Variants in ARHGEF38 observed in about 807,000 individuals in gnomAD.
ARHGEF38 encodes the protein Rho guanine nucleotide exchange factor 38, also known as Rho guanine nucleotide exchange factor (GEF) 38.
A neutral mutation model predicts 79.9 loss-of-function variants in ARHGEF38; 79 were observed. The observed-to-expected ratio is 0.99, with a 90% confidence interval of 0.82 to 1.19. The LOEUF is 1.19. Ranked by LOEUF, ARHGEF38 falls within the 50% of genes most tolerant of loss-of-function variation. ARHGEF38 has a pLI of 0.00. For synonymous variants in ARHGEF38, 366 were observed against 328.3 expected (o/e 1.11, Z -1.24); for missense variants, 962 against 907.2 (o/e 1.06, Z -0.78).
Position 105,645,185 on chromosome 4 carries a change from T to C in ARHGEF38, c.675-3T>C, listed in dbSNP as rs1560743353. ...AAACTGATATTATTTATCTGTATTG[T>C]AGAGGCAAACCAAACTTATTGGACA... On this transcript the variant is annotated splice_polypyrimidine_tract_variant and splice_region_variant and intron_variant, in intron 5 of 13. Transcript: ENST00000420470. The C allele has an allele frequency of 2.0e-6, 3 of 1,500,148 alleles. No individual in the cohort carries two copies. The highest frequency in any genetic ancestry group is 2.2e-5 in the Admixed American group (1 of 44,840). 92.9% of individuals were successfully genotyped at this position (1,500,148 alleles called of 1,614,324 possible). A position where few individuals can be genotyped will look rare whatever the true frequency, so the allele number is the denominator to read the frequency against.
chr4:105,638,721 C>T (rs746065965), intron 5 of ARHGEF38, among the ~76,000 whole-genome samples: 10 of 129,800 alleles, frequency 7.7e-5, no homozygotes, highest in Non-Finnish European at 1.2e-4. Flanking sequence ...TCTTGTATGT[C>T]GACTTGCTAC....
At chr4:105,554,428 C>G (rs1243150453) in intron 1 of ARHGEF38, among the ~76,000 whole-genome samples, 1 of 152,148 alleles carries the variant, frequency 6.6e-6, no homozygotes, top group Non-Finnish European at 1.5e-5. Context: ...TAATGTTTAG[C>G]TCTCACTCAT....
At chr4:105,631,198 A>G (rs753665160) in intron 4 of ARHGEF38, 153 bp downstream of exon 4, 17 of 1,284,866 alleles carry the variant, frequency 1.3e-5, no homozygotes, top group Non-Finnish European at 1.6e-5. Context: ...AAAAGCTGAC[A>G]TGCCAGAAGC....
At chr4:105,672,379 C>A (rs150852315) in intron 13 of ARHGEF38, among the ~76,000 whole-genome samples, 195 of 152,314 alleles carry the variant, frequency 1.3e-3, no homozygotes, top group African/African-American at 4.5e-3. Flanking sequence ...AAATTATATT[C>A]TGGAGCCTTT....
chr4:105,665,553 C>T (rs1730719382), intron 10 of ARHGEF38, among the ~76,000 whole-genome samples: 1 of 152,074 alleles, frequency 6.6e-6, no homozygotes, highest in Non-Finnish European at 1.5e-5. Flanking sequence ...CTTCTGGCCT[C>T]AGCTTCCTGA....
intron 2 of ARHGEF38, among the ~76,000 whole-genome samples, chr4:105,597,079 A>G (rs1727615551): frequency 6.6e-6 from 1 of 152,158 alleles, no homozygotes; most frequent in African/African-American, 2.4e-5. Context: ...GAATTCAGAC[A>G]ATGAAATGTA....
Position 105,651,061 on chromosome 4 carries a change from C to T in ARHGEF38, c.1008+2379C>T, listed in dbSNP as rs112057798. On this transcript the variant is annotated intron_variant, in intron 7 of 13. Transcript: ENST00000420470. Reference sequence around the variant, plus strand: ...ATTTTGCTTCTGACTCAAGACAATTCTATTGAGGAATAGTAGGCAGCCTCT... The same window carrying T: ...ATTTTGCTTCTGACTCAAGACAATTTTATTGAGGAATAGTAGGCAGCCTCT... Among the ~76,000 whole-genome samples the T allele has an allele frequency of 3.3e-5, 5 of 152,328 alleles. 1 individual carries two copies. The highest frequency in any genetic ancestry group is 1.2e-4 in the African/African-American group (5 of 41,574).
At chr4:105,661,789 G>A (rs1295029253) in intron 10 of ARHGEF38, among the ~76,000 whole-genome samples, 1 of 151,782 alleles carries the variant, frequency 6.6e-6, no homozygotes, top group African/African-American at 2.4e-5. Flanking sequence ...TTTCTAACCT[G>A]TATTACCATA....
At chr4:105,571,008 G>A (rs796421289) in intron 1 of ARHGEF38, among the ~76,000 whole-genome samples, 2 of 152,160 alleles carry the variant, frequency 1.3e-5, no homozygotes, top group South Asian at 4.1e-4. Context: ...ATGGTTGCCA[G>A]GGGCTGGAGG....
intron 5 of ARHGEF38, among the ~76,000 whole-genome samples, chr4:105,639,234 A>T (rs1729521841): frequency 6.6e-6 from 1 of 151,900 alleles, no homozygotes; most frequent in Non-Finnish European, 1.5e-5. Flanking sequence ...TGAGATGTTC[A>T]TTTTTTCTAA....
chr4:105,657,500 T>A (rs969485159), intron 9 of ARHGEF38, among the ~76,000 whole-genome samples: 1 of 152,160 alleles, frequency 6.6e-6, no homozygotes, highest in Non-Finnish European at 1.5e-5. Context: ...ATATCTACAC[T>A]TTTTTAGGAC....
chr4:105,582,164 C>CAAAAAAAA (rs33936132), intron 1 of ARHGEF38, among the ~76,000 whole-genome samples: 1 of 118,280 alleles, frequency 8.5e-6, no homozygotes, highest in Non-Finnish European at 1.7e-5. Context: ...GACTCCGTCT[C>CAAAAAAAA]AAAAAAAAAA....
chr4:105,679,652 C>T lies in ARHGEF38; in HGVS notation c.*1715C>T. 1 of 799,688 alleles carries T rather than the reference C, an allele frequency of 1.3e-6. No homozygotes were observed. The highest frequency in any genetic ancestry group is 2.3e-6 in the Non-Finnish European group (1 of 441,894). 49.5% of individuals were successfully genotyped at this position (799,688 alleles called of 1,614,324 possible). On this transcript the variant is annotated 3_prime_UTR_variant, in exon 14 of 14. Transcript: ENST00000420470. The stretch of plus-strand genomic sequence containing the variant: ...ATGGAAGCCAGAGACCTTATGGCAT[C>T]CATGCTTTTAAATTTAACTAAATCC...
rs768321246 is a variant in ARHGEF38 at position 105,667,112 on chromosome 4, C to T, written c.1690-17C>T. Reference sequence around the variant, plus strand: ...TATGTATCTGTCTAAACCAAAACTTCTCCTTATTTCTCCCAGCCAGAAATG... The same window carrying T: ...TATGTATCTGTCTAAACCAAAACTTTTCCTTATTTCTCCCAGCCAGAAATG... On this transcript the variant is annotated splice_polypyrimidine_tract_variant and intron_variant, in intron 11 of 13. Coordinates refer to ENST00000420470, the MANE Select transcript of ARHGEF38 (RefSeq NM_001242729.2). 1 of 1,524,842 alleles carries T rather than the reference C, an allele frequency of 6.6e-7. No homozygotes were observed. The highest frequency in any genetic ancestry group is 8.8e-7 in the Non-Finnish European group (1 of 1,139,646). The allele number at this position is 1,524,842 out of a possible 1,614,324, so 94.5% of individuals were successfully genotyped here.
chr4:105,584,552 G>A (rs1038974929), intron 1 of ARHGEF38, among the ~76,000 whole-genome samples: 3 of 152,202 alleles, frequency 2.0e-5, no homozygotes, highest in South Asian at 4.1e-4. Flanking sequence ...ATAAATGGTA[G>A]TGGTGGAGTT....
chr4:105,636,097 T>A (rs1261364858), intron 4 of ARHGEF38, among the ~76,000 whole-genome samples: 1 of 152,156 alleles, frequency 6.6e-6, no homozygotes, highest in South Asian at 2.1e-4. Flanking sequence ...GATCTTAAAA[T>A]TTTTTTATAT....
At position 105,567,281 on chromosome 4, in the gene ARHGEF38, T is replaced by C. The variant is rs1001377990; in HGVS notation, c.196+14320T>C. The stretch of plus-strand genomic sequence containing the variant: ...CCAATATTTTAAAATGCAAAGTGAT[T>C]TGTTTGCAGAATCTTTCTGGAATAA... On this transcript the variant is annotated intron_variant, in intron 1 of 13. Coordinates refer to ENST00000420470, the MANE Select transcript of ARHGEF38 (RefSeq NM_001242729.2). Among the ~76,000 whole-genome samples, 4 of 152,332 alleles carry C rather than the reference T, an allele frequency of 2.6e-5. No homozygotes were observed. The East Asian group carries it at 7.7e-4, about 29-fold the overall frequency.
At chr4:105,604,060 G>C (rs1470096524) in intron 2 of ARHGEF38, among the ~76,000 whole-genome samples, 1 of 152,132 alleles carries the variant, frequency 6.6e-6, no homozygotes, top group African/African-American at 2.4e-5. Context: ...GACTAGCATA[G>C]TATGGGCCAT....
At chr4:105,588,511 C>A (rs1374136322) in intron 1 of ARHGEF38, among the ~76,000 whole-genome samples, 1 of 152,200 alleles carries the variant, frequency 6.6e-6, no homozygotes, top group African/African-American at 2.4e-5. Flanking sequence ...CTTGAAGATA[C>A]TTAGCTTTCT....
Sources: gnomAD v4.1 joint callset for allele counts (sites outside exome capture counted in the v4.1 genomes callset) on GRCh38, gnomAD v4.1.1 for gene constraint, MANE v1.5 for transcripts, NCBI Gene and HGNC (gene_info 2026-07-23, HGNC 2026-07-21) for gene names.